The following PRKN variants were observed in gnomAD, a reference collection of about 807,000 sequenced individuals.
PRKN encodes parkin RBR E3 ubiquitin protein ligase.
In PRKN, 56 loss-of-function variants were observed where a neutral mutation model predicts 59.5. That is an observed-to-expected ratio of 0.94 (90% CI 0.76 to 1.18). The LOEUF is 1.18. Ranked by LOEUF, PRKN falls within the 50% of genes most tolerant of loss-of-function variation. The pLI, the probability that PRKN is intolerant of heterozygous loss-of-function variation, is 0.00. For synonymous variants in PRKN, 250 were observed against 222.1 expected, an observed-to-expected ratio of 1.13 and a Z score of -1.12; for missense variants, 657 against 596.4, an observed-to-expected ratio of 1.10 and a Z score of -1.06.
intron 1 of PRKN, among the ~76,000 whole-genome samples, chr6:162,490,272 T>C (rs1792745743): frequency 6.6e-6 from 1 of 152,234 alleles, no homozygotes; most frequent in Admixed American, 6.5e-5. Context: ...AAGTCTACCC[T>C]TTTATGAAAT....
At chr6:161,741,142 C>T (rs183116681) in intron 7 of PRKN, among the ~76,000 whole-genome samples, 4 of 152,320 alleles carry the variant, frequency 2.6e-5, no homozygotes, top group South Asian at 2.1e-4. Context: ...CTTTTGACAT[C>T]GTCCTTGCAG....
At chr6:162,618,882 G>GAGCCAT (rs1782540149) in intron 1 of PRKN, among the ~76,000 whole-genome samples, 1 of 152,166 alleles carries the variant, frequency 6.6e-6, no homozygotes, top group Non-Finnish European at 1.5e-5. Context: ...CGCAGTAAGA[G>GAGCCAT]AGCCATACTC....
In PRKN at chr6:162,430,173, CGATGAT is replaced by C. The variant is rs147505180; in HGVS notation, c.171+13131_171+13136del. Among the ~76,000 whole-genome samples the C allele has an allele frequency of 2.2e-4, 33 of 150,974 alleles. 1 individual carries two copies. In the East Asian group the frequency reaches 6.1e-3, roughly 28 times the overall value. ...ATGATGACGATGACGACGACGACGACGATGATGATGATGATGTTAAAATCACAATGC... is the reference window on the plus strand; with the variant it reads ...ATGATGACGATGACGACGACGACGACGATGATGATGTTAAAATCACAATGC... On this transcript the variant is annotated intron_variant, in intron 2 of 11. Coordinates refer to ENST00000366898, the MANE Select transcript of PRKN (RefSeq NM_004562.3).
At chr6:162,229,716 T>C (rs1234821127) in intron 3 of PRKN, among the ~76,000 whole-genome samples, 1 of 152,194 alleles carries the variant, frequency 6.6e-6, no homozygotes, top group Non-Finnish European at 1.5e-5. Flanking sequence ...ACTGTTCCTC[T>C]CAACATTGCA....
At position 161,377,348 on chromosome 6, in the gene PRKN, A is replaced by G. The variant is rs1236920113; in HGVS notation, c.1167+9446T>C. 6.6e-6 allele frequency among the ~76,000 whole-genome samples: 1 copy of G among 152,264 alleles called. No homozygotes were observed. Among genetic ancestry groups the G allele is most frequent in the African/African-American group, 2.4e-5 (1 of 41,468 alleles). ...AAGCAGGTCCTCAGACCCCCGTGCC[A>G]TCCACACCGTGGCATGACTGCCTCT... is the stretch of plus-strand genomic sequence containing the variant. On this transcript the variant is annotated intron_variant, in intron 10 of 11. Coordinates refer to ENST00000366898, the MANE Select transcript of PRKN (RefSeq NM_004562.3). The surrounding 1 kb of genome is among the most constrained non-coding windows in gnomAD (Gnocchi z 4.2).
intron 1 of PRKN, among the ~76,000 whole-genome samples, chr6:162,712,983 A>C (rs1778592129): frequency 1.3e-5 from 2 of 152,184 alleles, no homozygotes; most frequent in South Asian, 4.1e-4. Context: ...ACCACACTAG[A>C]GTGTGGAGGA....
intron 7 of PRKN, among the ~76,000 whole-genome samples, chr6:161,607,820 C>T (rs1214875156): frequency 6.6e-6 from 1 of 152,134 alleles, no homozygotes; most frequent in East Asian, 1.9e-4. Flanking sequence ...TAAGTAGGCC[C>T]AGAACAATGA....
intron 2 of PRKN, among the ~76,000 whole-genome samples, chr6:162,293,978 G>C (rs1004086726): frequency 5.3e-5 from 8 of 152,064 alleles, no homozygotes; most frequent in Non-Finnish European, 1.2e-4. Flanking sequence ...ATTCCCGGCT[G>C]GGAGAAGTCT....
At chr6:161,994,706 C>T (rs942417678) in intron 5 of PRKN, among the ~76,000 whole-genome samples, 5 of 151,528 alleles carry the variant, frequency 3.3e-5, no homozygotes, top group African/African-American at 9.7e-5. Context: ...GAAAGCAATC[C>T]CATTTACAAT....
intron 2 of PRKN, among the ~76,000 whole-genome samples, chr6:162,436,681 A>T (rs767514856): frequency 3.6e-4 from 43 of 120,054 alleles, no homozygotes; most frequent in Non-Finnish European, 2.4e-4. Context: ...CAACTGGAGT[A>T]CACAATTGTC....
chr6:161,854,960 G>A (rs904580280), intron 6 of PRKN, among the ~76,000 whole-genome samples: 2 of 151,786 alleles, frequency 1.3e-5, no homozygotes, highest in Non-Finnish European at 2.9e-5. Flanking sequence ...GTGTGTGCCT[G>A]TAGTCCCAGC....
chr6:161,999,905 A>G (rs1334595506), intron 5 of PRKN, among the ~76,000 whole-genome samples: 1 of 152,172 alleles, frequency 6.6e-6, no homozygotes, highest in African/African-American at 2.4e-5. Context: ...AAAAATACTG[A>G]TAATTATATT....
intron 6 of PRKN, among the ~76,000 whole-genome samples, chr6:161,912,684 C>T (rs770648685): frequency 1.4e-4 from 22 of 152,042 alleles, no homozygotes; most frequent in Non-Finnish European, 1.5e-5. Flanking sequence ...AGGACTACAG[C>T]CCCAGTCAAG....
intron 6 of PRKN, among the ~76,000 whole-genome samples, chr6:161,796,024 C>A (rs902440521): frequency 6.6e-6 from 1 of 152,064 alleles, no homozygotes; most frequent in South Asian, 2.1e-4. Context: ...CATAAATCTG[C>A]GTTTTAGGTT....
chr6:162,305,336 G>A (rs2128115648), intron 2 of PRKN, among the ~76,000 whole-genome samples: 1 of 152,196 alleles, frequency 6.6e-6, no homozygotes, highest in African/African-American at 2.4e-5. Flanking sequence ...CCAGAAAGAT[G>A]AAGATAAACA....
At chr6:162,015,030 A>C (rs966968373) in intron 5 of PRKN, among the ~76,000 whole-genome samples, 3 of 152,162 alleles carry the variant, frequency 2.0e-5, no homozygotes, top group African/African-American at 7.2e-5. Flanking sequence ...GAAAACATGA[A>C]ATTTAAAACA....
chr6:161,916,936 G>A (rs1778586106), intron 6 of PRKN, among the ~76,000 whole-genome samples: 1 of 152,064 alleles, frequency 6.6e-6, no homozygotes, highest in Non-Finnish European at 1.5e-5. Context: ...CGAGTAGCTG[G>A]GACTACAGGC....
chr6:162,710,292 C>T (rs1223063917), intron 1 of PRKN, among the ~76,000 whole-genome samples: 1 of 151,050 alleles, frequency 6.6e-6, no homozygotes, highest in African/African-American at 2.4e-5. Flanking sequence ...CTGAACTCAG[C>T]TGCTTTAAGG....
intron 5 of PRKN, among the ~76,000 whole-genome samples, chr6:162,038,990 T>TA (rs1346061772): frequency 1.3e-5 from 2 of 151,758 alleles, no homozygotes; most frequent in Admixed American, 1.3e-4. Flanking sequence ...CCGTCTCTAC[T>TA]AAAAAAATAC....
Sources: gnomAD v4.1 joint callset for allele counts (sites outside exome capture counted in the v4.1 genomes callset) on GRCh38, gnomAD v4.1.1 for gene constraint, Gnocchi (gnomAD v3.1) non-coding constraint, MANE v1.5 for transcripts, NCBI Gene and HGNC (gene_info 2026-07-23, HGNC 2026-07-21) for gene names.